Variants in GPR176 observed in about 807,000 individuals in gnomAD.
GPR176 encodes G-protein coupled receptor 176.
GPR176 carries 26 observed loss-of-function variants against 35.4 expected under a neutral mutation model. That is an observed-to-expected ratio of 0.74 (90% confidence interval 0.54 to 1.02). The LOEUF (loss-of-function observed/expected upper bound fraction) is 1.02. Ranked by LOEUF, GPR176 falls within the 50% of genes least tolerant of loss-of-function variation. GPR176 has a pLI of 0.00. For synonymous variants in GPR176, 278 were observed against 271.3 expected, an observed-to-expected ratio of 1.02 and a Z score of -0.24; for missense variants, 597 against 665.3, an observed-to-expected ratio of 0.90 and a Z score of 1.13.
Position 39,887,599 on chromosome 15 carries a change from T to TAAA in GPR176, c.172+32253_172+32255dup, listed in dbSNP as rs10561003. Among the ~76,000 whole-genome samples, 500 of 141,884 alleles carry TAAA rather than the reference T, an allele frequency of 3.5e-3. 4 individuals are homozygous for TAAA. Among genetic ancestry groups the TAAA allele is most frequent in the African/African-American group, 0.013 (484 of 38,584 alleles). 93.1% of individuals were successfully genotyped at this position (141,884 alleles called of 152,430 possible). A position where few individuals can be genotyped will look rare whatever the true frequency, so the allele number is the denominator to read the frequency against. On this transcript the variant is annotated intron_variant, in intron 1 of 2. Coordinates refer to ENST00000561100, the MANE Select transcript of GPR176 (RefSeq NM_007223.3). ...CAGCATCCAACAGTTAATTTAAATT[T>TAAA]AAAAAAAAAAAAAAAAAAGCTTGTC...
chr15:39,813,194 G>A (rs1899683481), intron 1 of GPR176: 2 of 152,080 alleles, frequency 1.3e-5, no homozygotes, highest in Admixed American at 6.6e-5. Context: ...AACGTTTAGA[G>A]TAATTAAAAA....
chr15:39,906,001 C>G (rs1169598630), intron 1 of GPR176, among the ~76,000 whole-genome samples: 2 of 152,148 alleles, frequency 1.3e-5, no homozygotes, highest in East Asian at 3.9e-4. Flanking sequence ...AGGCATCTCT[C>G]TGTATTTATT....
intron 1 of GPR176, among the ~76,000 whole-genome samples, chr15:39,841,236 C>T (rs758556056): frequency 2.6e-4 from 39 of 152,222 alleles, no homozygotes; most frequent in Non-Finnish European, 3.2e-4. Context: ...GTCATAATAA[C>T]GACCAATACA....
intron 1 of GPR176, among the ~76,000 whole-genome samples, chr15:39,869,933 T>G (rs62002497): frequency 0.27 from 40,856 of 152,070 alleles, 6,095 homozygotes; most frequent in Non-Finnish European, 0.34. Context: ...AAAAACAAGT[T>G]AACCACAAAT....
At chr15:39,916,462 G>T (rs1045611640) in intron 1 of GPR176, among the ~76,000 whole-genome samples, 1 of 152,132 alleles carries the variant, frequency 6.6e-6, no homozygotes, top group African/African-American at 2.4e-5. Context: ...GTTCCTTCTG[G>T]TTGGAATATT....
intron 1 of GPR176, among the ~76,000 whole-genome samples, chr15:39,915,017 C>A (rs538666301): frequency 3.3e-5 from 5 of 152,306 alleles, no homozygotes; most frequent in Non-Finnish European, 7.3e-5. Context: ...CCACCTTTCC[C>A]TTCAAATGAA....
Position 39,802,235 on chromosome 15 carries a change from G to C in GPR176, c.445C>G (p.Pro149Ala). 1 of 1,610,008 alleles carries C rather than the reference G, an allele frequency of 6.2e-7. No individual in the cohort carries two copies. The highest frequency in any genetic ancestry group is 8.5e-7 in the Non-Finnish European group (1 of 1,177,366). The change falls in exon 3 of 3, where the codon CCA (proline) becomes GCA (alanine). Residue 149 changes from proline to alanine, a missense_variant. By Grantham distance (27) the Pro-to-Ala change is conservative. Coordinates refer to ENST00000561100, the MANE Select transcript of GPR176 (RefSeq NM_007223.3). ...GCATCAGATATTTTCCTCTCCAGTG[G>C]ATAGAGGACTGAGTAGTACCTGCAA... ...ALDRYYSVLY[P>A]LERKISDAKS...
chr15:39,876,481 C>T (rs1213114461), intron 1 of GPR176, among the ~76,000 whole-genome samples: 1 of 151,818 alleles, frequency 6.6e-6, no homozygotes, highest in African/African-American at 2.4e-5. Flanking sequence ...CTGCAATTCT[C>T]AAAGTGGTGT....
chr15:39,918,083 G>C (rs182905005), intron 1 of GPR176, among the ~76,000 whole-genome samples: 1 of 150,626 alleles, frequency 6.6e-6, no homozygotes, highest in African/African-American at 2.4e-5. Context: ...AGCTCATCAG[G>C]CACCATAGAT....
intron 1 of GPR176, among the ~76,000 whole-genome samples, chr15:39,844,299 G>A (rs953015651): frequency 6.6e-6 from 1 of 152,064 alleles, no homozygotes; most frequent in African/African-American, 2.4e-5. Context: ...GTTTGGCCTA[G>A]GAATCTGTAT....
At chr15:39,835,786 T>C (rs541823972) in intron 1 of GPR176, among the ~76,000 whole-genome samples, 37 of 152,246 alleles carry the variant, frequency 2.4e-4, no homozygotes, top group African/African-American at 8.7e-4. Flanking sequence ...TGGAAAACAA[T>C]GTGTCCATCT....
At chr15:39,848,581 A>C (rs1033563787) in intron 1 of GPR176, among the ~76,000 whole-genome samples, 55 of 152,188 alleles carry the variant, frequency 3.6e-4, no homozygotes, top group African/African-American at 1.2e-3. Context: ...TAGCCCTAAT[A>C]CATTTTTAAA....
At chr15:39,912,752 C>T (rs12373003) in intron 1 of GPR176, among the ~76,000 whole-genome samples, 35,014 of 152,010 alleles carry the variant, frequency 0.23, 4,556 homozygotes, top group Non-Finnish European at 0.3. Context: ...ACTCTAGGGA[C>T]AAGAGACTTT....
chr15:39,813,303 C>G (rs527587625), intron 1 of GPR176: 1 of 152,186 alleles, frequency 6.6e-6, no homozygotes, highest in Non-Finnish European at 1.5e-5. Context: ...CACATTCTTT[C>G]CACCTAAGGA....
chr15:39,817,761 G>C (rs766232084), intron 1 of GPR176, among the ~76,000 whole-genome samples: 6 of 152,226 alleles, frequency 3.9e-5, no homozygotes, highest in Non-Finnish European at 7.3e-5. Context: ...GCGTAGAGAA[G>C]TCAAATGATA....
chr15:39,856,278 C>T (rs1293843559), intron 1 of GPR176, among the ~76,000 whole-genome samples: 1 of 152,248 alleles, frequency 6.6e-6, no homozygotes, highest in Non-Finnish European at 1.5e-5. Flanking sequence ...ACAACACTCA[C>T]TACTTTCCTC....
intron 1 of GPR176, among the ~76,000 whole-genome samples, chr15:39,919,481 T>C (rs151083685): frequency 1.3e-5 from 2 of 152,304 alleles, no homozygotes; most frequent in African/African-American, 2.4e-5. Flanking sequence ...ATGGGTAACA[T>C]TCCGTTCAAT....
intron 1 of GPR176, among the ~76,000 whole-genome samples, chr15:39,846,085 T>G (rs2030405324): frequency 6.6e-6 from 1 of 152,214 alleles, no homozygotes; most frequent in Admixed American, 6.5e-5. Flanking sequence ...AAAATATCGT[T>G]CTGGACTTCT....
chr15:39,844,101 A>T (rs144034845), intron 1 of GPR176, among the ~76,000 whole-genome samples: 1 of 152,274 alleles, frequency 6.6e-6, no homozygotes, highest in East Asian at 1.9e-4. Flanking sequence ...CAAAGTCCCA[A>T]ATAGTTTTCT....
Sources: allele counts gnomAD v4.1 joint callset (sites outside exome capture counted in the v4.1 genomes callset), GRCh38; gene constraint gnomAD v4.1.1; transcripts MANE v1.5; gene names NCBI Gene and HGNC (gene_info 2026-07-23, HGNC 2026-07-21).